The following PROM1 variants were observed in gnomAD, a reference collection of about 807,000 sequenced individuals.
PROM1 encodes prominin 1.
In PROM1, 105 loss-of-function variants were observed where a neutral mutation model predicts 116.9. The observed-to-expected ratio is 0.90, with a 90% confidence interval of 0.77 to 1.06. The LOEUF (loss-of-function observed/expected upper bound fraction) is 1.06. PROM1 is among the 50% of genes least tolerant of loss of function. The pLI is 0.00. For synonymous variants in PROM1, 393 were observed against 387.0 expected (o/e 1.02, Z -0.18); for missense variants, 1,122 against 1,045.2 (o/e 1.07, Z -1.01).
chr4:16,054,854 C>T (rs1219158187), intron 2 of PROM1, among the ~76,000 whole-genome samples: 11 of 151,710 alleles, frequency 7.3e-5, no homozygotes, highest in Non-Finnish European at 1.0e-4. Context: ...ACTCGAGTTC[C>T]GGGGGGGAAA....
chr4:16,048,641 C>A (rs533957937), intron 2 of PROM1, among the ~76,000 whole-genome samples: 1 of 152,144 alleles, frequency 6.6e-6, no homozygotes, highest in Admixed American at 6.5e-5. Flanking sequence ...AGTTCCTCTC[C>A]TTTAGCTGAC....
intron 2 of PROM1, among the ~76,000 whole-genome samples, chr4:16,063,761 T>C (rs1740884158): frequency 6.6e-6 from 1 of 152,238 alleles, no homozygotes; most frequent in African/African-American, 2.4e-5. Flanking sequence ...AATGAGGATA[T>C]ACTGTTAACT....
rs1180060781 is a variant in PROM1, at chr4:16,041,737, G to C, written c.221-2736C>G. Among the ~76,000 whole-genome samples, 3 of 149,408 alleles carry C rather than the reference G, an allele frequency of 2.0e-5. 1 individual carries two copies. Among genetic ancestry groups the C allele is most frequent in the African/African-American group, 7.4e-5 (3 of 40,578 alleles). On this transcript the variant is annotated intron_variant, in intron 2 of 27. Transcript: ENST00000447510. The stretch of plus-strand genomic sequence containing the variant: ...CACTCCAGCTCGGGTGACAGATCGA[G>C]ACCCTGCCTCAAATAAATAAATAAA...
intron 2 of PROM1, among the ~76,000 whole-genome samples, chr4:16,068,742 G>C (rs757318814): frequency 1.3e-5 from 2 of 152,242 alleles, no homozygotes; most frequent in South Asian, 4.2e-4. Flanking sequence ...TCTGTTACCT[G>C]TAATGGAGGG....
At position 16,025,260 on chromosome 4, in the gene PROM1, T is replaced by C. The variant is rs1730955261; in HGVS notation, c.562A>G (p.Lys188Glu). 1.9e-6 allele frequency: 3 copies of C among 1,613,992 alleles called. No individual in the cohort carries two copies. Among genetic ancestry groups the C allele is most frequent in the Non-Finnish European group, 2.5e-6 (3 of 1,179,822 alleles). The change falls in exon 6 of 28, where the codon AAA becomes GAA. Residue 188 changes from lysine (K) to glutamate (E), a missense_variant. Transcript: ENST00000447510. ...CTATCTGCCAGTTTCCGACTCCTTT[T>C]GATCCGGGTTCTTACCTGGTGATTT... ...VANHQVRTRI[K>E]RSRKLADSNF... is the part of the protein sequence containing the mutation.
chr4:15,992,781 C>T (rs778503181), intron 16 of PROM1, among the ~76,000 whole-genome samples: 4 of 152,158 alleles, frequency 2.6e-5, no homozygotes, highest in Non-Finnish European at 5.9e-5. Context: ...AACAGAGAAG[C>T]TGAAAGGGAC....
chr4:16,049,008 C>T (rs567748090), intron 2 of PROM1, among the ~76,000 whole-genome samples: 7 of 152,294 alleles, frequency 4.6e-5, no homozygotes, highest in Middle Eastern at 6.8e-3. Flanking sequence ...AGTGCAGCCA[C>T]CCTGATGATG....
At chr4:16,006,506 C>A (rs756812607) in intron 13 of PROM1, 32 bp downstream of exon 13, 1 of 1,552,388 alleles carries the variant, frequency 6.4e-7, no homozygotes, top group Non-Finnish European at 8.7e-7. Flanking sequence ...TGCATTCCCA[C>A]TCCCACATGA....
At chr4:16,037,436 C>T (rs1389431488) in intron 3 of PROM1, among the ~76,000 whole-genome samples, 1 of 152,148 alleles carries the variant, frequency 6.6e-6, no homozygotes, top group Non-Finnish European at 1.5e-5. Flanking sequence ...CTAGATAAGG[C>T]TTTCCTCTTC....
At chr4:16,059,782 AC>A (rs1739885097) in intron 2 of PROM1, among the ~76,000 whole-genome samples, 1 of 152,198 alleles carries the variant, frequency 6.6e-6, no homozygotes, top group African/African-American at 2.4e-5. Context: ...TTGTGAAATA[AC>A]TAAAATAATT....
At chr4:16,082,703 C>T (rs1449388143) in intron 1 of PROM1, 1 of 152,150 alleles carries the variant, frequency 6.6e-6, no homozygotes, top group Non-Finnish European at 1.5e-5. Context: ...GCTCTGAGCG[C>T]GTCGGCGCCA....
In PROM1 at chr4:16,016,806, T is replaced by C. The variant is rs149793575; in HGVS notation, c.1003-566A>G. On this transcript the variant is annotated intron_variant, in intron 9 of 27. Transcript: ENST00000447510. ...TCAAACAACCCTAAACTGAAGACCA[T>C]TCTACAAAGTAAATGGCCTGTTCAA... Among the ~76,000 whole-genome samples the C allele has an allele frequency of 3.5e-4, 54 of 152,244 alleles. No individual in the cohort carries two copies. In the East Asian group the frequency reaches 9.7e-3, roughly 27 times the overall value.
chr4:16,082,135 C>A (rs1745157912), intron 1 of PROM1: 1 of 152,164 alleles, frequency 6.6e-6, no homozygotes, highest in Admixed American at 6.5e-5. Flanking sequence ...TATCTGGGGT[C>A]TGTCTGCTTC....
intron 11 of PROM1, among the ~76,000 whole-genome samples, chr4:16,009,424 C>T (rs1427693429): frequency 6.6e-6 from 1 of 152,130 alleles, no homozygotes; most frequent in Non-Finnish European, 1.5e-5. Context: ...ACGTGCCAGG[C>T]ACTTTTATAA....
In PROM1 at chr4:15,976,254, C is replaced by T. The variant is rs149309971; in HGVS notation, c.2582+3141G>A. The T allele has an allele frequency of 4.0e-3, 1,774 of 447,834 alleles. 28 individuals carry two copies. Among genetic ancestry groups the T allele is most frequent in the African/African-American group, 0.032 (1,575 of 49,888 alleles). 27.7% of individuals were successfully genotyped at this position (447,834 alleles called of 1,614,324 possible). ...TGAGAAGAGTGGCATTTCTCAACAC[C>T]GACTAGGGCTGTTTTCTAACATTTT... is the stretch of plus-strand genomic sequence containing the variant. On this transcript the variant is annotated intron_variant, in intron 26 of 27. Coordinates refer to ENST00000447510, the MANE Select transcript of PROM1 (RefSeq NM_006017.3).
chr4:15,991,332 G>A (rs997116337), intron 17 of PROM1, 39 bp from the exon 18 acceptor site: 18 of 1,419,328 alleles, frequency 1.3e-5, no homozygotes, highest in Admixed American at 6.5e-5. Flanking sequence ...ATGGATATGG[G>A]ATCTTTAAGC....
Position 16,016,170 on chromosome 4 carries a change from T to G in PROM1, c.1073A>C (p.Gln358Pro). The change falls in exon 10 of 28, where the codon CAA (glutamine) becomes CCA (proline). Residue 358 changes from glutamine (Q) to proline (P), a missense_variant. Gln to Pro is a moderately conservative substitution (Grantham distance 76). Coordinates refer to ENST00000447510, the MANE Select transcript of PROM1 (RefSeq NM_006017.3). Reference protein sequence around the residue: ...VLRTDLDGLVQQGYQSLNDIP... With the variant: ...VLRTDLDGLVPQGYQSLNDIP... Reference sequence around the variant, plus strand: ...GTATTTTTTCCAAAAGCATACCTGTTGGACCAGGCCATCCAAATCTGTCCT... The same window carrying G: ...GTATTTTTTCCAAAAGCATACCTGTGGGACCAGGCCATCCAAATCTGTCCT... The G allele has an allele frequency of 6.4e-7, 1 of 1,554,142 alleles. No individual in the cohort carries two copies. The highest frequency in any genetic ancestry group is 8.7e-7 in the Non-Finnish European group (1 of 1,147,988).
intron 17 of PROM1, among the ~76,000 whole-genome samples, chr4:15,991,529 A>G (rs1380746574): frequency 6.6e-6 from 1 of 152,142 alleles, no homozygotes. Context: ...ATGTTATAAC[A>G]TGGATGAACA....
intron 11 of PROM1, 46 bp downstream of exon 11, chr4:16,013,229 G>A (rs191809583): frequency 5.6e-5 from 83 of 1,480,186 alleles, no homozygotes; most frequent in Non-Finnish European, 7.2e-5. Context: ...ACATTTCTCT[G>A]TACTGACCTA....
Sources: allele counts gnomAD v4.1 joint callset (sites outside exome capture counted in the v4.1 genomes callset), GRCh38; gene constraint gnomAD v4.1.1; transcripts MANE v1.5; gene names NCBI Gene and HGNC (gene_info 2026-07-23, HGNC 2026-07-21).